BPI: variants seen among roughly 807,000 people sequenced by gnomAD.
The protein encoded by BPI is bactericidal permeability increasing protein.
In BPI, 48 loss-of-function variants were observed where a neutral mutation model predicts 57.6. That is an observed-to-expected ratio of 0.83 (90% CI 0.66 to 1.06). The LOEUF is 1.06. BPI is among the 50% of genes least tolerant of loss of function. BPI has a pLI of 0.00. For missense variants in BPI, 651 were observed against 609.7 expected, an observed-to-expected ratio of 1.07 and a Z score of -0.71; for synonymous variants, 237 against 238.2, an observed-to-expected ratio of 0.99 and a Z score of 0.05.
chr20:38,310,957 A>G (rs955685765), intron 4 of BPI, among the ~76,000 whole-genome samples: 1 of 152,250 alleles, frequency 6.6e-6, no homozygotes, highest in Non-Finnish European at 1.5e-5. Context: ...GTAGGCATTC[A>G]TCTATCCATC....
chr20:38,318,941 G>A (rs1287931452), intron 6 of BPI, among the ~76,000 whole-genome samples: 3 of 152,090 alleles, frequency 2.0e-5, no homozygotes, highest in Admixed American at 6.5e-5. Context: ...TATTCTCCCC[G>A]TTTTACACAG....
Position 38,311,858 on chromosome 20 carries a change from A to G in BPI, c.537-16A>G, listed in dbSNP as rs533782734. Reference sequence around the variant, plus strand: ...ATCAAAAAGCCTCATCTATGTCCCTACTTGTTCATCTCTAGGTGGCTGATC... The same window carrying G: ...ATCAAAAAGCCTCATCTATGTCCCTGCTTGTTCATCTCTAGGTGGCTGATC... On this transcript the variant is annotated splice_polypyrimidine_tract_variant and intron_variant, in intron 4 of 14. Transcript: ENST00000642449. The G allele has an allele frequency of 8.7e-6, 14 of 1,613,398 alleles. No homozygotes were observed. The highest frequency in any genetic ancestry group is 4.5e-5 in the East Asian group (2 of 44,884).
chr20:38,304,476 G>A, intron 1 of BPI, 123 bp downstream of exon 1: 1 of 1,336,978 alleles, frequency 7.5e-7, no homozygotes, highest in Non-Finnish European at 1.0e-6. Flanking sequence ...AGGTCCCCTT[G>A]CCCCCATTTT....
intron 12 of BPI, 43 bp downstream of exon 12, chr20:38,331,133 G>A: frequency 6.3e-7 from 1 of 1,596,820 alleles, no homozygotes; most frequent in East Asian, 2.2e-5. Context: ...CTTCTGACCT[G>A]GCGGCGGGGA....
At chr20:38,330,389 G>A (rs2076736463) in intron 11 of BPI, among the ~76,000 whole-genome samples, 1 of 152,228 alleles carries the variant, frequency 6.6e-6, no homozygotes, top group South Asian at 2.1e-4. Flanking sequence ...TATTCAGTGG[G>A]ATAGAGCGCC....
intron 9 of BPI, among the ~76,000 whole-genome samples, chr20:38,325,366 C>T (rs959857967): frequency 2.6e-5 from 4 of 152,278 alleles, no homozygotes; most frequent in Admixed American, 1.3e-4. Flanking sequence ...TCATAGCTCT[C>T]GAGACTGGAA....
intron 5 of BPI, among the ~76,000 whole-genome samples, chr20:38,312,379 T>G (rs1002880187): frequency 1.3e-5 from 2 of 152,230 alleles, no homozygotes; most frequent in Non-Finnish European, 2.9e-5. Context: ...CATAGCCCAT[T>G]CCCTGAGGCT....
At chr20:38,314,856 TGATG>T in intron 5 of BPI, among the ~76,000 whole-genome samples, 1 of 48,846 alleles carries the variant, frequency 2.0e-5, no homozygotes, top group Admixed American at 2.6e-4. Context: ...GTGGAGATGA[TGATG>T]ATGATGATGG....
intron 5 of BPI, among the ~76,000 whole-genome samples, chr20:38,312,185 C>A (rs1228253812): frequency 6.6e-6 from 1 of 152,138 alleles, no homozygotes; most frequent in Non-Finnish European, 1.5e-5. Context: ...CTTGGGCCAC[C>A]TCTGCTTTTC....
At chr20:38,320,886 G>C (rs1000678026) in intron 7 of BPI, among the ~76,000 whole-genome samples, 4 of 140,822 alleles carry the variant, frequency 2.8e-5, no homozygotes, top group African/African-American at 8.0e-5. Context: ...TAGGTGGATG[G>C]GTGGGTGGGT....
intron 5 of BPI, among the ~76,000 whole-genome samples, chr20:38,314,907 T>C (rs1267933005): frequency 6.6e-6 from 1 of 151,684 alleles, no homozygotes; most frequent in African/African-American, 2.4e-5. Flanking sequence ...GTGATGGTGA[T>C]GGTGATGGTG....
At chr20:38,307,190 C>A (rs1482856042) in intron 1 of BPI, among the ~76,000 whole-genome samples, 1 of 152,040 alleles carries the variant, frequency 6.6e-6, no homozygotes, top group Admixed American at 6.5e-5. Flanking sequence ...CACAGCGAGA[C>A]CCTGTCTCAA....
chr20:38,305,277 G>C lies in BPI; in HGVS notation c.130+924G>C, dbSNP rs933715684. Among the ~76,000 whole-genome samples the C allele has an allele frequency of 7.9e-5, 12 of 152,190 alleles. No homozygotes were observed. The East Asian group carries it at 1.5e-3, about 20-fold the overall frequency. On this transcript the variant is annotated intron_variant, in intron 1 of 14. Coordinates refer to ENST00000642449, the MANE Select transcript of BPI (RefSeq NM_001725.3). ...AGGCCACAGAAGACAGAAGAGCTAG[G>C]GGGAAGGAGTATGGCCCTGAAGCCT...
At chr20:38,317,117 T>C (rs2076656062) in intron 5 of BPI, among the ~76,000 whole-genome samples, 1 of 152,124 alleles carries the variant, frequency 6.6e-6, no homozygotes, top group Non-Finnish European at 1.5e-5. Context: ...CTGAAGAGAC[T>C]GCTGGATTAC....
At position 38,309,016 on chromosome 20, in the gene BPI, A is replaced by G. The variant is rs753172909; in HGVS notation, c.332A>G (p.Asn111Ser). The G allele has an allele frequency of 7.4e-6, 12 of 1,614,112 alleles. No individual in the cohort carries two copies. The highest frequency in any genetic ancestry group is 2.2e-5 in the East Asian group (1 of 44,900). ...CTTAAGTTCTCCATCAGCAACGCCA[A>G]TATCAAGATCAGCGGGAAATGGAAG... is the stretch of plus-strand genomic sequence containing the variant. ...VGLKFSISNA[N>S]IKISGKWKAQ... The change falls in exon 3 of 15, where the codon AAT (asparagine) becomes AGT (serine). Residue 111 changes from asparagine (N) to serine (S), a missense_variant. Coordinates refer to ENST00000642449, the MANE Select transcript of BPI (RefSeq NM_001725.3).
intron 11 of BPI, 36 bp from the exon 12 acceptor site, chr20:38,331,012 A>G: frequency 6.2e-7 from 1 of 1,610,650 alleles, no homozygotes; most frequent in Non-Finnish European, 8.5e-7. Flanking sequence ...TAGTCAGGCA[A>G]TTGGTGGTCT....
chr20:38,310,362 T>C, intron 3 of BPI, 129 bp from the exon 4 acceptor site: 1 of 1,152,018 alleles, frequency 8.7e-7, no homozygotes, highest in East Asian at 2.4e-5. Flanking sequence ...AAGCTGCCTC[T>C]TCTCTCTGAA....
chr20:38,320,908 T>A (rs1174795152), intron 7 of BPI, among the ~76,000 whole-genome samples: 2 of 116,510 alleles, frequency 1.7e-5, no homozygotes, highest in Admixed American at 9.2e-5. Context: ...GGTGGATGGA[T>A]GGGTAGGTGG....
intron 9 of BPI, among the ~76,000 whole-genome samples, chr20:38,325,505 C>G (rs1600709525): frequency 6.6e-6 from 1 of 152,190 alleles, no homozygotes; most frequent in African/African-American, 2.4e-5. Flanking sequence ...TGGGAGAGAG[C>G]TCTCTGGTGT....
Sources: allele counts gnomAD v4.1 joint callset (sites outside exome capture counted in the v4.1 genomes callset), GRCh38; gene constraint gnomAD v4.1.1; transcripts MANE v1.5; gene names NCBI Gene and HGNC (gene_info 2026-07-23, HGNC 2026-07-21).